DCAF6: variants seen among roughly 807,000 people sequenced by gnomAD.
DCAF6 encodes DDB1- and CUL4-associated factor 6.
DCAF6 carries 54 observed loss-of-function variants against 125.1 expected under a neutral mutation model. That is an observed-to-expected ratio of 0.43 (90% confidence interval 0.35 to 0.54). The LOEUF (loss-of-function observed/expected upper bound fraction) is 0.54. DCAF6 is among the 20% of genes least tolerant of loss of function. The probability of loss-of-function intolerance (pLI) is 0.01; values close to 1 mark genes in which losing one functional copy is unlikely to be tolerated. For synonymous variants in DCAF6, 371 were observed against 390.4 expected (o/e 0.95, Z 0.58); for missense variants, 934 against 1,161.7 (o/e 0.80, Z 2.85).
chr1:167,946,280 CTT>C (rs1333483076), intron 1 of DCAF6, among the ~76,000 whole-genome samples: 3 of 152,052 alleles, frequency 2.0e-5, no homozygotes, highest in South Asian at 2.1e-4. Context: ...TGTGGGGAGT[CTT>C]TAGGTTTTTC....
chr1:167,931,178 C>T (rs1447716490), upstream of DCAF6, among the ~76,000 whole-genome samples: 2 of 152,176 alleles, frequency 1.3e-5, no homozygotes, highest in African/African-American at 4.8e-5. Context: ...GTGATCCACA[C>T]GCCTCGGCCT....
chr1:167,912,935 T>C, the DCAF6 span, among the ~76,000 whole-genome samples: 1 of 152,258 alleles, frequency 6.6e-6, no homozygotes, highest in African/African-American at 2.4e-5. Flanking sequence ...TCCAGGTCTG[T>C]GGGACTTGAA....
intron 17 of DCAF6, among the ~76,000 whole-genome samples, chr1:168,051,440 A>G (rs1689926264): frequency 6.6e-6 from 1 of 152,234 alleles, no homozygotes; most frequent in Admixed American, 6.5e-5. Context: ...TATCAAGATG[A>G]TATATAAGCC....
intron 12 of DCAF6, among the ~76,000 whole-genome samples, chr1:168,032,167 T>G (rs1687186663): frequency 6.6e-6 from 1 of 152,250 alleles, no homozygotes; most frequent in South Asian, 2.1e-4. Context: ...GACTTCCTAA[T>G]AAATATCTGT....
the DCAF6 span, among the ~76,000 whole-genome samples, chr1:167,891,427 C>T: frequency 1.1e-4 from 17 of 151,654 alleles, no homozygotes; most frequent in South Asian, 3.3e-3. Flanking sequence ...GAGGCTGAGG[C>T]GGGAAGATCA....
chr1:168,002,528 C>G lies in DCAF6; in HGVS notation c.950C>G (p.Ser317Ter). The change falls in exon 8 of 22, where the codon TCA (serine) becomes TGA (stop). Residue 317 changes from serine (S) to a stop codon, truncating the protein, a stop_gained. Coordinates refer to ENST00000367840, the MANE Select transcript of DCAF6 (RefSeq NM_001198956.2). LOFTEE classifies it high-confidence loss of function. ...CGTTTGAGACTTCGTGGTGATTGGT[C>G]AGATACTGGACCCAGAGCAAGGCCG... ...VKRLRLRGDW[S>*]DTGPRARPES... 6.2e-7 allele frequency: 1 copy of G among 1,613,006 alleles called. No homozygotes were observed. The highest frequency in any genetic ancestry group is 8.5e-7 in the Non-Finnish European group (1 of 1,179,214).
intron 10 of DCAF6, 24 bp from the exon 11 acceptor site, chr1:168,015,757 C>T (rs1003689277): frequency 5.0e-5 from 71 of 1,424,912 alleles, no homozygotes; most frequent in African/African-American, 5.0e-4. Context: ...TGTCTTTTCA[C>T]CTTTCTTTTC....
intron 11 of DCAF6, among the ~76,000 whole-genome samples, chr1:168,021,358 C>T (rs1685648473): frequency 6.6e-6 from 1 of 151,880 alleles, no homozygotes; most frequent in Admixed American, 6.6e-5. Context: ...AGGAGAGTTT[C>T]CCAATATTTA....
rs186544510 is a variant in DCAF6, at chr1:168,038,987, T to C, written c.1727+499T>C. Among the ~76,000 whole-genome samples, 60 of 152,196 alleles carry C rather than the reference T, an allele frequency of 3.9e-4. No homozygotes were observed. In the East Asian group the frequency reaches 9.4e-3, roughly 24 times the overall value. On this transcript the variant is annotated intron_variant, in intron 13 of 21. Transcript: ENST00000367840. Reference sequence around the variant, plus strand: ...CATGTTACTACTTAGTTTTAATAAATATTATTTTACTAGCTGTGTAATAGT... The same window carrying C: ...CATGTTACTACTTAGTTTTAATAAACATTATTTTACTAGCTGTGTAATAGT...
At chr1:167,905,039 G>A in the DCAF6 span, 1 of 1,614,166 alleles carries the variant, frequency 6.2e-7, no homozygotes, top group Non-Finnish European at 8.5e-7. Context: ...AATCCATAAA[G>A]GGTCGCTCTG....
the DCAF6 span, among the ~76,000 whole-genome samples, chr1:167,895,958 A>G: frequency 2.0e-5 from 3 of 152,238 alleles, no homozygotes; most frequent in African/African-American, 4.8e-5. Context: ...GCAAAACTAG[A>G]AAAGAATAAT....
chr1:167,902,659 A>G, the DCAF6 span, among the ~76,000 whole-genome samples: 23 of 152,356 alleles, frequency 1.5e-4, no homozygotes, highest in African/African-American at 5.3e-4. Flanking sequence ...ATGAAGCATT[A>G]AATTTTGTCT....
At chr1:167,988,476 A>G (rs746183273) in intron 5 of DCAF6, among the ~76,000 whole-genome samples, 4 of 152,082 alleles carry the variant, frequency 2.6e-5, no homozygotes, top group African/African-American at 9.7e-5. Flanking sequence ...TTTTAATACT[A>G]TTTTAAACTT....
At chr1:168,020,238 G>A (rs1685509807) in intron 11 of DCAF6, among the ~76,000 whole-genome samples, 1 of 152,184 alleles carries the variant, frequency 6.6e-6, no homozygotes, top group Non-Finnish European at 1.5e-5. Flanking sequence ...TCATTTTACA[G>A]ATGGAGAAAC....
At chr1:167,875,969 A>T in the DCAF6 span, among the ~76,000 whole-genome samples, 5 of 150,112 alleles carry the variant, frequency 3.3e-5, no homozygotes. Flanking sequence ...AAAAAAAAGG[A>T]CTACTGGCCA....
At chr1:167,951,310 C>G (rs1673900382) in intron 1 of DCAF6, among the ~76,000 whole-genome samples, 1 of 152,168 alleles carries the variant, frequency 6.6e-6, no homozygotes, top group Non-Finnish European at 1.5e-5. Context: ...CGTGGTGGCT[C>G]ACACCTGTAA....
At chr1:168,042,117 T>C (rs1160623496) in intron 13 of DCAF6, among the ~76,000 whole-genome samples, 1 of 152,058 alleles carries the variant, frequency 6.6e-6, no homozygotes, top group Non-Finnish European at 1.5e-5. Flanking sequence ...GCAGTCAGCC[T>C]AAAAGAGTTT....
At chr1:167,897,332 C>CAA in the DCAF6 span, among the ~76,000 whole-genome samples, 96 of 118,490 alleles carry the variant, frequency 8.1e-4, no homozygotes, top group African/African-American at 2.2e-3. Context: ...ACCAAAAATA[C>CAA]AAAAAAAAAA....
intron 12 of DCAF6, among the ~76,000 whole-genome samples, chr1:168,029,587 T>C (rs543984795): frequency 1.8e-4 from 27 of 152,312 alleles, no homozygotes; most frequent in Non-Finnish European, 3.4e-4. Flanking sequence ...AGCAATTTTT[T>C]ATATGTTAAT....
Sources: gnomAD v4.1 joint callset for allele counts (sites outside exome capture counted in the v4.1 genomes callset) on GRCh38, gnomAD v4.1.1 for gene constraint, MANE v1.5 for transcripts, NCBI Gene and HGNC (gene_info 2026-07-23, HGNC 2026-07-21) for gene names.